The following IPO5 variants were observed in gnomAD, a reference collection of about 807,000 sequenced individuals.
IPO5 encodes importin-5.
In IPO5, 18 loss-of-function variants were observed where a neutral mutation model predicts 143.3. The observed-to-expected ratio is 0.13, with a 90% CI of 0.09 to 0.19. IPO5 has a LOEUF of 0.19. Among genes scored for constraint, IPO5 ranks in the 10% least tolerant of loss-of-function variants. The probability of loss-of-function intolerance (pLI) is 1.00; values close to 1 mark genes in which losing one functional copy is unlikely to be tolerated. For synonymous variants in IPO5, 477 were observed against 465.7 expected, an observed-to-expected ratio of 1.02 and a Z score of -0.31; for missense variants, 1,013 against 1,336.9, an observed-to-expected ratio of 0.76 and a Z score of 3.78.
chr13:98,016,136 T>C (rs767443076), intron 24 of IPO5, among the ~76,000 whole-genome samples: 1 of 152,216 alleles, frequency 6.6e-6, no homozygotes, highest in Admixed American at 6.5e-5. Context: ...AGAGTCACAC[T>C]GTTGACGGTC....
intron 4 of IPO5, among the ~76,000 whole-genome samples, chr13:97,981,050 T>G (rs1325471870): frequency 6.6e-6 from 1 of 152,210 alleles, no homozygotes; most frequent in Non-Finnish European, 1.5e-5. Flanking sequence ...TGCATTCAGC[T>G]TGTGAATATC....
chr13:98,014,649 A>C (rs1327610025), intron 22 of IPO5, among the ~76,000 whole-genome samples: 2 of 152,200 alleles, frequency 1.3e-5, no homozygotes, highest in East Asian at 3.8e-4. Flanking sequence ...TAAAGAGGGT[A>C]AATTTGCCTT....
chr13:97,993,097 C>T lies in IPO5; in HGVS notation c.793-8C>T, dbSNP rs201912498. ...TATTAAATGTATACAAATATGTCTT[C>T]TTTGTAGTTGTGTGGAGACACTAGC... On this transcript the variant is annotated splice_polypyrimidine_tract_variant and splice_region_variant and intron_variant, in intron 10 of 28. Transcript: ENST00000651721. 4 of 1,613,414 alleles carry T rather than the reference C, an allele frequency of 2.5e-6. No individual in the cohort carries two copies. The highest frequency in any genetic ancestry group is 3.3e-5 in the Admixed American group (2 of 60,002).
At chr13:98,006,075 T>A (rs544081524) in intron 16 of IPO5, 55 bp from the exon 17 acceptor site, 3 of 1,245,924 alleles carry the variant, frequency 2.4e-6, no homozygotes, top group African/African-American at 3.0e-5. Context: ...TAATTGTAAA[T>A]TTAAATACTT....
intron 3 of IPO5, among the ~76,000 whole-genome samples, chr13:97,970,850 A>G (rs1403015256): frequency 1.3e-5 from 2 of 152,250 alleles, no homozygotes; most frequent in African/African-American, 4.8e-5. Context: ...TAAAAATGCA[A>G]TAGTCTAACA....
chr13:97,983,563 T>G (rs1594061058), intron 5 of IPO5, among the ~76,000 whole-genome samples: 1 of 75,220 alleles, frequency 1.3e-5, no homozygotes, highest in South Asian at 4.8e-4. Flanking sequence ...GTCCCCCCGA[T>G]TATAAGTTAA....
At chr13:98,001,586 T>C (rs1205375287) in intron 13 of IPO5, 1 of 152,282 alleles carries the variant, frequency 6.6e-6, no homozygotes, top group Non-Finnish European at 1.5e-5. Context: ...CAAGCAATTC[T>C]CCTGTCTCTG....
At chr13:98,000,202 A>G (rs1888646031) in intron 12 of IPO5, among the ~76,000 whole-genome samples, 1 of 151,952 alleles carries the variant, frequency 6.6e-6, no homozygotes, top group Admixed American at 6.6e-5. Context: ...GGAGAATAGC[A>G]TGAAGCTGGG....
chr13:97,967,088 A>C (rs1383280192), intron 2 of IPO5, among the ~76,000 whole-genome samples: 1 of 152,306 alleles, frequency 6.6e-6, no homozygotes, highest in South Asian at 2.1e-4. Flanking sequence ...TACTTGCTGT[A>C]GATCTATTCA....
intron 4 of IPO5, among the ~76,000 whole-genome samples, chr13:97,980,542 G>A (rs372901428): frequency 3.9e-5 from 6 of 152,262 alleles, no homozygotes; most frequent in East Asian, 1.9e-4. Flanking sequence ...TAGTAGAGAA[G>A]TTTATGGCTG....
intron 15 of IPO5, 39 bp from the exon 16 acceptor site, chr13:98,002,825 A>C: frequency 6.3e-7 from 1 of 1,599,074 alleles, no homozygotes; most frequent in Non-Finnish European, 8.5e-7. Context: ...AGAAGGGTGG[A>C]CATTTCAACA....
rs1281245242 is a variant in IPO5 at position 98,002,343 on chromosome 13, A to G, written c.1109-124A>G. 8 of 843,790 alleles carry G rather than the reference A, an allele frequency of 9.5e-6. No individual in the cohort carries two copies. The Admixed American group carries it at 1.4e-4, about 14-fold the overall frequency. 52.3% of individuals were successfully genotyped at this position (843,790 alleles called of 1,614,324 possible). A position where few individuals can be genotyped will look rare whatever the true frequency, so the allele number is the denominator to read the frequency against. On this transcript the variant is annotated intron_variant, in intron 13 of 28. Transcript: ENST00000651721. The stretch of plus-strand genomic sequence containing the variant: ...ACAAATGTTTTTATATTATATATAC[A>G]TATACCCTTTTCAAAAAAGTTTTGT...
In IPO5 at chr13:98,002,950, T is replaced by G. The variant is rs765527835; in HGVS notation, c.1410T>G (p.Thr470=). The change falls in exon 16 of 29, where the codon ACT becomes ACG. Residue 470 remains threonine (T), a synonymous_variant. Transcript: ENST00000651721. ...CAGCTGCTGCCCTCATTAACTTTACTGAAGACTGTCCCAAGTCACTACTTA... is the reference window on the plus strand; with the variant it reads ...CAGCTGCTGCCCTCATTAACTTTACGGAAGACTGTCCCAAGTCACTACTTA... ...AHAAAALINF[T]EDCPKSLLIP... The G allele has an allele frequency of 6.2e-7, 1 of 1,613,980 alleles. No individual in the cohort carries two copies. Among genetic ancestry groups the G allele is most frequent in the East Asian group, 2.2e-5 (1 of 44,886 alleles).
intron 18 of IPO5, among the ~76,000 whole-genome samples, chr13:98,008,521 C>T (rs1258114648): frequency 6.6e-6 from 1 of 152,174 alleles, no homozygotes; most frequent in Non-Finnish European, 1.5e-5. Flanking sequence ...TTGGGTGTCT[C>T]CTAGCCCTTT....
chr13:97,962,696 G>A lies in IPO5; in HGVS notation c.-112-7027G>A, dbSNP rs7982301. The stretch of plus-strand genomic sequence containing the variant: ...TAGCTGGGTATGGTGAGGCACATCC[G>A]TAGTCCCAGCTGCTCAGGAGGCTGA... On this transcript the variant is annotated intron_variant, in intron 2 of 28. Transcript: ENST00000651721. Among the ~76,000 whole-genome samples, 1,321 of 152,076 alleles carry A rather than the reference G, an allele frequency of 8.7e-3. 23 individuals carry two copies. The highest frequency in any genetic ancestry group is 0.03 in the African/African-American group (1,227 of 41,468).
rs142497059 is a variant in IPO5 at position 97,988,267 on chromosome 13, C to G, written c.365-795C>G. On this transcript the variant is annotated intron_variant, in intron 6 of 28. Coordinates refer to ENST00000651721, the MANE Select transcript of IPO5 (RefSeq NM_002271.6). The stretch of plus-strand genomic sequence containing the variant: ...ATAACATCCTCTGGCACTATTTGAA[C>G]CAAACTGCAAAGTGTGAGCACCCTG... Among the ~76,000 whole-genome samples, 922 of 152,154 alleles carry G rather than the reference C, an allele frequency of 6.1e-3. 11 individuals carry two copies. The highest frequency in any genetic ancestry group is 0.021 in the African/African-American group (871 of 41,494).
Position 98,013,934 on chromosome 13 carries a change from G to A in IPO5, c.2153-108G>A, listed in dbSNP as rs375258179. ...GCTTTATATTTAACACAAGCTCTTG[G>A]GTATCTTAGATAAACAGAAGTTGCC... On this transcript the variant is annotated intron_variant, in intron 21 of 28. Transcript: ENST00000651721. 4.6e-4 allele frequency: 387 copies of A among 833,822 alleles called. 2 individuals are homozygous for A. Among genetic ancestry groups the A allele is most frequent in the South Asian group, 4.0e-3 (201 of 50,466 alleles). 51.7% of individuals were successfully genotyped at this position (833,822 alleles called of 1,614,324 possible). A position where few individuals can be genotyped will look rare whatever the true frequency, so the allele number is the denominator to read the frequency against.
chr13:97,974,268 G>C (rs1232137522), intron 3 of IPO5, among the ~76,000 whole-genome samples: 4 of 151,174 alleles, frequency 2.6e-5, no homozygotes. Context: ...ATATTTCACT[G>C]TTAACCTAGT....
At chr13:97,962,324 C>T (rs780085167) in intron 2 of IPO5, among the ~76,000 whole-genome samples, 11 of 152,064 alleles carry the variant, frequency 7.2e-5, no homozygotes, top group African/African-American at 2.7e-4. Context: ...AGATTTAGTC[C>T]TATATTTTCT....
Sources: allele counts gnomAD v4.1 joint callset (sites outside exome capture counted in the v4.1 genomes callset), GRCh38; gene constraint gnomAD v4.1.1; transcripts MANE v1.5; gene names NCBI Gene and HGNC (gene_info 2026-07-23, HGNC 2026-07-21).